YPEL2: variants seen among roughly 807,000 people sequenced by gnomAD.
YPEL2 encodes the protein yippee like 2.
In YPEL2, 2 loss-of-function variants were observed where a neutral mutation model predicts 19.1. The ratio of observed to expected loss-of-function variants is 0.10; its 90% CI spans 0.04 to 0.33. The LOEUF (loss-of-function observed/expected upper bound fraction) is 0.33, where lower values mean the gene tolerates loss of function less well. Among genes scored for constraint, YPEL2 ranks in the 10% least tolerant of loss-of-function variants. The pLI is 1.00. For missense variants in YPEL2, 66 were observed against 140.7 expected (o/e 0.47, Z 2.68); for synonymous variants, 52 against 50.0 (o/e 1.04, Z -0.17).
intron 1 of YPEL2, among the ~76,000 whole-genome samples, chr17:59,338,515 G>C (rs1475103132): frequency 6.6e-6 from 1 of 152,240 alleles, no homozygotes; most frequent in Non-Finnish European, 1.5e-5. Flanking sequence ...AGATGGATTG[G>C]TGAAGAATGA....
In YPEL2 at chr17:59,347,136, T is replaced by C. The variant is rs1025199742; in HGVS notation, c.-195-6079T>C. On this transcript the variant is annotated intron_variant, in intron 1 of 4. Transcript: ENST00000312655. ...TGCCAGGCACATATGCTGAATACTT[T>C]TCTACTAACTTAGTTCATCCTCATA... Among the ~76,000 whole-genome samples the C allele has an allele frequency of 5.6e-4, 85 of 152,230 alleles. 1 individual carries two copies. Among genetic ancestry groups the C allele is most frequent in the Admixed American group, 5.5e-3 (84 of 15,286 alleles).
intron 2 of YPEL2, chr17:59,355,701 A>G (rs1401140252): frequency 1.3e-5 from 2 of 152,192 alleles, no homozygotes; most frequent in Non-Finnish European, 2.9e-5. Context: ...AGCTCAGTAA[A>G]TGATAAATGA....
At chr17:59,339,128 C>T (rs892309385) in intron 1 of YPEL2, among the ~76,000 whole-genome samples, 7 of 105,330 alleles carry the variant, frequency 6.6e-5, no homozygotes, top group African/African-American at 6.5e-5. Flanking sequence ...CCCACCCCAA[C>T]GCCTTGTTTC....
At chr17:59,354,863 A>T (rs1226697799) in intron 2 of YPEL2, 1 of 151,978 alleles carries the variant, frequency 6.6e-6, no homozygotes, top group Non-Finnish European at 1.5e-5. Context: ...GAACCCCTTG[A>T]GTCTGGAAGT....
In YPEL2 at chr17:59,340,577, G is replaced by T. The variant is rs546829889; in HGVS notation, c.-196+8753G>T. ...ACTACAGGCACCCGCCACCTCGCTCGGCTAATTTTTTATACTTTCAGTAGA... is the reference window on the plus strand; with the variant it reads ...ACTACAGGCACCCGCCACCTCGCTCTGCTAATTTTTTATACTTTCAGTAGA... On this transcript the variant is annotated intron_variant, in intron 1 of 4. Transcript: ENST00000312655. 2.0e-4 allele frequency among the ~76,000 whole-genome samples: 30 copies of T among 151,826 alleles called. No homozygotes were observed. The East Asian group carries it at 5.6e-3, about 29-fold the overall frequency.
intron 1 of YPEL2, among the ~76,000 whole-genome samples, chr17:59,349,179 A>T (rs2047773568): frequency 6.7e-6 from 1 of 149,444 alleles, no homozygotes; most frequent in Non-Finnish European, 1.5e-5. Context: ...GTCTCAAAAA[A>T]AAAAAAAAAA....
intron 2 of YPEL2, among the ~76,000 whole-genome samples, chr17:59,384,156 ACTGATT>A (rs1430207608): frequency 6.6e-6 from 1 of 152,184 alleles, no homozygotes; most frequent in African/African-American, 2.4e-5. Flanking sequence ...TCTAATGTGG[ACTGATT>A]CTGATGAAGT....
intron 2 of YPEL2, among the ~76,000 whole-genome samples, chr17:59,376,559 C>T (rs748041644): frequency 1.1e-4 from 17 of 152,092 alleles, no homozygotes; most frequent in East Asian, 1.9e-4. Context: ...CTCTCTTCTC[C>T]GTACTTTTCT....
chr17:59,387,097 T>TA (rs1258817665), intron 2 of YPEL2, among the ~76,000 whole-genome samples: 2 of 151,790 alleles, frequency 1.3e-5, no homozygotes, highest in Non-Finnish European at 2.9e-5. Flanking sequence ...CTGTCTCTAC[T>TA]AAAAATACAA....
chr17:59,378,191 C>T (rs1458503434), intron 2 of YPEL2, among the ~76,000 whole-genome samples: 1 of 152,108 alleles, frequency 6.6e-6, no homozygotes, highest in African/African-American at 2.4e-5. Context: ...ATTCCCTAGG[C>T]CCATCCCTGA....
At chr17:59,392,622 T>C (rs1349480026) in intron 4 of YPEL2, among the ~76,000 whole-genome samples, 3 of 150,166 alleles carry the variant, frequency 2.0e-5, no homozygotes, top group African/African-American at 7.4e-5. Context: ...GCAATTCTCC[T>C]GCCTCAGCCT....
chr17:59,376,949 CAAAAAAAAAAA>C (rs59030676), intron 2 of YPEL2, among the ~76,000 whole-genome samples: 22 of 48,546 alleles, frequency 4.5e-4, no homozygotes, highest in African/African-American at 9.4e-4. Context: ...CACACTGTCT[CAAAAAAAAAAA>C]AAAAAAAAAA....
intron 2 of YPEL2, among the ~76,000 whole-genome samples, chr17:59,388,067 A>G (rs545501580): frequency 6.6e-6 from 1 of 152,232 alleles, no homozygotes; most frequent in South Asian, 2.1e-4. Flanking sequence ...TTTTAATGAC[A>G]TAGTGGTTTT....
chr17:59,400,188 CTGAG>C lies in YPEL2; in HGVS notation c.*3001_*3004del, dbSNP rs2048063220. On this transcript the variant is annotated 3_prime_UTR_variant, in exon 5 of 5. Coordinates refer to ENST00000312655, the MANE Select transcript of YPEL2 (RefSeq NM_001005404.4). The stretch of plus-strand genomic sequence containing the variant: ...CCCACAAGCTGTCAGCTGAACCTGA[CTGAG>C]TGTTCTTCCTGAGTTCACGAGGATA... The C allele has an allele frequency of 1.3e-5, 2 of 152,612 alleles. No individual in the cohort carries two copies. Among genetic ancestry groups the C allele is most frequent in the African/African-American group, 4.8e-5 (2 of 41,428 alleles). The allele number at this position is 152,612 out of a possible 1,614,324, so 9.5% of individuals were successfully genotyped here. A position where few individuals can be genotyped will look rare whatever the true frequency, so the allele number is the denominator to read the frequency against.
At chr17:59,393,987 A>G (rs1385342495) in intron 4 of YPEL2, among the ~76,000 whole-genome samples, 6 of 151,964 alleles carry the variant, frequency 3.9e-5, no homozygotes, top group Non-Finnish European at 7.4e-5. Context: ...ATTCCACAAA[A>G]CCGCCATTGT....
chr17:59,349,168 C>T (rs141378383), intron 1 of YPEL2, among the ~76,000 whole-genome samples: 9,066 of 113,262 alleles, frequency 0.08, 419 homozygotes, highest in South Asian at 0.16. Context: ...AGCGAGACTC[C>T]GTCTCAAAAA....
At position 59,349,054 on chromosome 17, in the gene YPEL2, G is replaced by A. The variant is rs970492837; in HGVS notation, c.-195-4161G>A. Among the ~76,000 whole-genome samples, 4 of 150,936 alleles carry A rather than the reference G, an allele frequency of 2.7e-5. No individual in the cohort carries two copies. The South Asian group carries it at 6.3e-4, about 24-fold the overall frequency. The stretch of plus-strand genomic sequence containing the variant: ...CCGGGCGTAGTGGCGGGCGCCTGTA[G>A]TCCCAGCTACTCGGGAGGCTGAGGC... On this transcript the variant is annotated intron_variant, in intron 1 of 4. Coordinates refer to ENST00000312655, the MANE Select transcript of YPEL2 (RefSeq NM_001005404.4).
chr17:59,355,754 A>C (rs1296657539), intron 2 of YPEL2: 1 of 152,184 alleles, frequency 6.6e-6, no homozygotes, highest in East Asian at 1.9e-4. Flanking sequence ...TAATGAGAAA[A>C]AAAAATACTT....
In YPEL2 at chr17:59,388,508, T is replaced by C. The variant is rs905797593; in HGVS notation, c.161+138T>C. The C allele has an allele frequency of 1.0e-5, 9 of 868,950 alleles. No homozygotes were observed. In the African/African-American group the frequency reaches 1.3e-4, roughly 13 times the overall value. The allele number at this position is 868,950 out of a possible 1,614,324, so 53.8% of individuals were successfully genotyped here. On this transcript the variant is annotated intron_variant, in intron 3 of 4. Transcript: ENST00000312655. ...CTCTGTGGAGCATTACTGTCCACAA[T>C]TGGTAGTCAGTTACCTTTGGGGAAC...
Sources: allele counts gnomAD v4.1 joint callset (sites outside exome capture counted in the v4.1 genomes callset), GRCh38; gene constraint gnomAD v4.1.1; transcripts MANE v1.5; gene names NCBI Gene and HGNC (gene_info 2026-07-23, HGNC 2026-07-21).